PNLDC1: variants seen among roughly 807,000 people sequenced by gnomAD.
PNLDC1 encodes poly(A)-specific ribonuclease PNLDC1.
Under a neutral mutation model 82.0 loss-of-function variants are expected in PNLDC1, and 70 were observed. That is an observed-to-expected ratio of 0.85 (90% CI 0.70 to 1.04). PNLDC1 has a LOEUF of 1.04. Among genes scored for constraint, PNLDC1 ranks in the 50% least tolerant of loss-of-function variants. The probability of loss-of-function intolerance (pLI) is 0.00; values close to 1 mark genes in which losing one functional copy is unlikely to be tolerated. For missense variants in PNLDC1, 631 were observed against 661.1 expected, an observed-to-expected ratio of 0.95 and a Z score of 0.50; for synonymous variants, 280 against 249.3, an observed-to-expected ratio of 1.12 and a Z score of -1.16.
intron 15 of PNLDC1, 64 bp downstream of exon 15, chr6:159,817,215 G>A: frequency 7.0e-7 from 1 of 1,423,350 alleles, no homozygotes; most frequent in Admixed American, 1.7e-5. Flanking sequence ...AGCCCTTGCT[G>A]GAAGCCAACA....
At chr6:159,807,926 T>C (rs937115515) in intron 7 of PNLDC1, among the ~76,000 whole-genome samples, 2 of 152,086 alleles carry the variant, frequency 1.3e-5, no homozygotes, top group East Asian at 3.8e-4. Context: ...TTTCTTTTTT[T>C]TTTTTGAGAA....
At chr6:159,801,642 C>T (rs935920177) in intron 3 of PNLDC1, among the ~76,000 whole-genome samples, 9 of 152,028 alleles carry the variant, frequency 5.9e-5, no homozygotes, top group African/African-American at 1.9e-4. Flanking sequence ...GATGGGTTTT[C>T]GTCATGTTGG....
chr6:159,800,746 A>C, intron 1 of PNLDC1, 26 bp from the exon 2 acceptor site: 1 of 1,614,152 alleles, frequency 6.2e-7, no homozygotes, highest in Non-Finnish European at 8.5e-7. Context: ...GCACCCGAGG[A>C]CTGCTATTTT....
intron 11 of PNLDC1, among the ~76,000 whole-genome samples, chr6:159,812,031 C>T (rs780139375): frequency 6.6e-6 from 1 of 152,090 alleles, no homozygotes; most frequent in Non-Finnish European, 1.5e-5. Flanking sequence ...TCCTGAGTAG[C>T]TGGGATTACA....
chr6:159,809,959 C>T, intron 9 of PNLDC1, 67 bp from the exon 10 acceptor site: 1 of 1,309,022 alleles, frequency 7.6e-7, no homozygotes, highest in South Asian at 1.2e-5. Flanking sequence ...TTGCAAGAAA[C>T]TGTTAGTCTG....
At chr6:159,813,520 A>C (rs562191357) in intron 11 of PNLDC1, 81 bp from the exon 12 acceptor site, 8 of 1,278,926 alleles carry the variant, frequency 6.3e-6, no homozygotes, top group Non-Finnish European at 9.1e-6. Context: ...AGGCCATTTT[A>C]ATGACCATTT....
Position 159,817,144 on chromosome 6 carries a change from A to G in PNLDC1, c.1150A>G (p.Ile384Val). 4 of 1,611,892 alleles carry G rather than the reference A, an allele frequency of 2.5e-6. No homozygotes were observed. Among genetic ancestry groups the G allele is most frequent in the Non-Finnish European group, 3.4e-6 (4 of 1,178,226 alleles). Residue 384 changes from isoleucine to valine, a missense_variant, in exon 15 of 19, where the codon ATA becomes GTA. Coordinates refer to ENST00000392167, the MANE Select transcript of PNLDC1 (RefSeq NM_001271862.2). ...LKVAHLLLQK[I>V]YHIDPVPESS... ...AGTGGCACACTTGCTTCTACAGAAG[A>G]TATACCAGTAAGTGTTCTTTCTTTT...
chr6:159,800,313 C>G lies in PNLDC1; in HGVS notation c.6C>G (p.Asp2Glu). The G allele has an allele frequency of 1.3e-6, 2 of 1,547,184 alleles. No individual in the cohort carries two copies. The highest frequency in any genetic ancestry group is 1.7e-6 in the Non-Finnish European group (2 of 1,145,864). Residue 2 changes from aspartate to glutamate, a missense_variant, in exon 1 of 19, where the codon GAC becomes GAG. By Grantham distance (45) the Asp-to-Glu change is conservative. Coordinates refer to ENST00000392167, the MANE Select transcript of PNLDC1 (RefSeq NM_001271862.2). M[D>E]VGADEFEESL... Reference sequence around the variant, plus strand: ...CTCCGCGGAGCTGCACGGCCATGGACGTGGGCGCCGACGAGTTCGAGGAGA... The same window carrying G: ...CTCCGCGGAGCTGCACGGCCATGGAGGTGGGCGCCGACGAGTTCGAGGAGA...
rs780799862 is a variant in PNLDC1, at chr6:159,819,227, C to T, written c.1434-27C>T. On this transcript the variant is annotated intron_variant, in intron 17 of 18. Transcript: ENST00000392167. The surrounding 1 kb of genome is among the most constrained non-coding windows in gnomAD (Gnocchi z 4.6). Reference sequence around the variant, plus strand: ...CAGGCGGCGCCATCCTGCTGCCTGGCTGACCACAGCAAACTTGTTTTGGCA... The same window carrying T: ...CAGGCGGCGCCATCCTGCTGCCTGGTTGACCACAGCAAACTTGTTTTGGCA... The T allele has an allele frequency of 4.3e-6, 7 of 1,613,118 alleles. No homozygotes were observed. Among genetic ancestry groups the T allele is most frequent in the Non-Finnish European group, 5.9e-6 (7 of 1,179,588 alleles).
In PNLDC1 at chr6:159,818,857, G is replaced by A. The variant is rs1781935380; in HGVS notation, c.1258-89G>A. Reference sequence around the variant, plus strand: ...TCTTCCCCTCCCTGCCCCAAGCAGAGCCTTTCCTAGTTTCTTTTGAGATCT... The same window carrying A: ...TCTTCCCCTCCCTGCCCCAAGCAGAACCTTTCCTAGTTTCTTTTGAGATCT... On this transcript the variant is annotated intron_variant, in intron 16 of 18. Transcript: ENST00000392167. 3.4e-6 allele frequency: 5 copies of A among 1,451,860 alleles called. No individual in the cohort carries two copies. The South Asian group carries it at 5.1e-5, about 15-fold the overall frequency. 89.9% of individuals were successfully genotyped at this position (1,451,860 alleles called of 1,614,324 possible).
rs11969373 is a variant in PNLDC1 at position 159,805,771 on chromosome 6, G to T, written c.462-212G>T. 1,207 of 546,442 alleles carry T rather than the reference G, an allele frequency of 2.2e-3. 11 individuals carry two copies. The highest frequency in any genetic ancestry group is 0.021 in the African/African-American group (1,118 of 52,774). 33.8% of individuals were successfully genotyped at this position (546,442 alleles called of 1,614,324 possible). On this transcript the variant is annotated intron_variant, in intron 6 of 18. Transcript: ENST00000392167. ...CAGGAGGGGATTGAATATATGCCTGGATCCTATGGAAGGTTGTGGGCTATT... is the reference window on the plus strand; with the variant it reads ...CAGGAGGGGATTGAATATATGCCTGTATCCTATGGAAGGTTGTGGGCTATT...
At chr6:159,805,244 G>A (rs530542747) in intron 6 of PNLDC1, among the ~76,000 whole-genome samples, 15 of 152,322 alleles carry the variant, frequency 9.8e-5, no homozygotes, top group Non-Finnish European at 2.9e-5. Context: ...GAGAGCAACA[G>A]CATTGTGGGT....
intron 4 of PNLDC1, 48 bp downstream of exon 4, chr6:159,803,358 C>T (rs1189459999): frequency 1.9e-6 from 3 of 1,540,980 alleles, no homozygotes; most frequent in Non-Finnish European, 2.7e-6. Flanking sequence ...CACCTATGTT[C>T]CACAGCTGCC....
intron 4 of PNLDC1, 115 bp from the exon 5 acceptor site, chr6:159,803,850 G>A (rs1781349830): frequency 3.2e-5 from 37 of 1,172,336 alleles, no homozygotes; most frequent in Admixed American, 4.9e-5. Flanking sequence ...GCAGACACTC[G>A]GGCACACTCA....
At chr6:159,801,317 G>C (rs552063882) in intron 3 of PNLDC1, 131 bp downstream of exon 3, 10 of 899,652 alleles carry the variant, frequency 1.1e-5, no homozygotes, top group Admixed American at 1.8e-5. Flanking sequence ...TTTTGTGTTG[G>C]GCCATTGTAT....
chr6:159,800,462 G>T, intron 1 of PNLDC1, 79 bp downstream of exon 1: 2 of 1,472,318 alleles, frequency 1.4e-6, no homozygotes, highest in Non-Finnish European at 1.8e-6. Flanking sequence ...TGGCGGGACG[G>T]TTGCCAGGCC....
Position 159,816,648 on chromosome 6 carries a change from C to G in PNLDC1, c.1114+52C>G, listed in dbSNP as rs780800940. The G allele has an allele frequency of 7.4e-6, 6 of 812,744 alleles. No individual in the cohort carries two copies. The African/African-American group carries it at 1.2e-4, about 16-fold the overall frequency. 50.3% of individuals were successfully genotyped at this position (812,744 alleles called of 1,614,324 possible). A position where few individuals can be genotyped will look rare whatever the true frequency, so the allele number is the denominator to read the frequency against. ...AAACTCACTTTTTTTTTTTTTTTTT[C>G]TGAGACAGGGTCTCACTCTGTTGCC... On this transcript the variant is annotated intron_variant, in intron 14 of 18. Transcript: ENST00000392167.
At chr6:159,801,953 T>C (rs1398283761) in intron 3 of PNLDC1, among the ~76,000 whole-genome samples, 1 of 151,894 alleles carries the variant, frequency 6.6e-6, no homozygotes, top group African/African-American at 2.4e-5. Context: ...AGTAGCGCGA[T>C]GTGGGCTCAC....
chr6:159,807,570 T>G (rs1781493621), intron 7 of PNLDC1, among the ~76,000 whole-genome samples: 1 of 152,248 alleles, frequency 6.6e-6, no homozygotes, highest in Non-Finnish European at 1.5e-5. Flanking sequence ...TTTTCCAATG[T>G]CTTCTGTTGG....
Sources: gnomAD v4.1 joint callset for allele counts (sites outside exome capture counted in the v4.1 genomes callset) on GRCh38, gnomAD v4.1.1 for gene constraint, Gnocchi (gnomAD v3.1) non-coding constraint, MANE v1.5 for transcripts, NCBI Gene and HGNC (gene_info 2026-07-23, HGNC 2026-07-21) for gene names.